Variants in KAT14 observed in about 807,000 individuals in gnomAD.
KAT14 encodes lysine acetyltransferase 14, also known as cysteine-rich protein 2-binding protein.
Under a neutral mutation model 78.4 loss-of-function variants are expected in KAT14, and 66 were observed. The observed-to-expected ratio is 0.84, with a 90% CI of 0.69 to 1.03. The LOEUF (loss-of-function observed/expected upper bound fraction) is 1.03. KAT14 is among the 50% of genes least tolerant of loss of function. The pLI, the probability that KAT14 is intolerant of heterozygous loss-of-function variation, is 0.00. For missense variants in KAT14, 870 were observed against 972.5 expected (o/e 0.89, Z 1.40); for synonymous variants, 344 against 359.4 (o/e 0.96, Z 0.48).
At position 18,159,238 on chromosome 20, in the gene KAT14, T is replaced by A. The variant is rs1183212737; in HGVS notation, c.655T>A (p.Leu219Met). Residue 219 changes from leucine to methionine, a missense_variant, in exon 5 of 11, where the codon TTG (leucine) becomes ATG (methionine). Physicochemically the swap from Leu to Met is conservative, Grantham distance 15. Coordinates refer to ENST00000688188, the MANE Select transcript of KAT14 (RefSeq NM_001392073.1). ...AACGATGAAACCTGAAGGAGAGAAG[T>A]TGTCTGCCTCTACTTTGAAAATAAA... ...PPTMKPEGEK[L>M]SASTLKIKAS... 1.9e-6 allele frequency: 3 copies of A among 1,614,042 alleles called. No individual in the cohort carries two copies. The South Asian group carries it at 3.3e-5, about 18-fold the overall frequency.
intron 7 of KAT14, among the ~76,000 whole-genome samples, chr20:18,164,014 T>C (rs1006490436): frequency 3.3e-5 from 5 of 152,220 alleles, no homozygotes; most frequent in Non-Finnish European, 7.3e-5. Flanking sequence ...ACTCTGCTGT[T>C]GTGATTGGAG....
Position 18,144,988 on chromosome 20 carries a change from C to G in KAT14, c.260-245C>G, listed in dbSNP as rs566567932. The G allele has an allele frequency of 4.4e-4, 403 of 926,166 alleles. 3 individuals carry two copies. Among genetic ancestry groups the G allele is most frequent in the Non-Finnish European group, 4.9e-4 (355 of 717,558 alleles). The allele number at this position is 926,166 out of a possible 1,614,324, so 57.4% of individuals were successfully genotyped here. On this transcript the variant is annotated intron_variant, in intron 2 of 10. Coordinates refer to ENST00000688188, the MANE Select transcript of KAT14 (RefSeq NM_001392073.1). ...ACAATTGGGAAATCCAGCAACAATA[C>G]CTGCTTTTCCAGTACCTTTCTCCTA...
chr20:18,182,561 G>A (rs1404722200), intron 8 of KAT14, among the ~76,000 whole-genome samples: 1 of 152,202 alleles, frequency 6.6e-6, no homozygotes, highest in Non-Finnish European at 1.5e-5. Flanking sequence ...CATTGTCCAG[G>A]CAATGAAATG....
chr20:18,168,092 A>G (rs1462578934), intron 7 of KAT14, among the ~76,000 whole-genome samples: 1 of 152,218 alleles, frequency 6.6e-6, no homozygotes, highest in Non-Finnish European at 1.5e-5. Flanking sequence ...GACTAAGAAT[A>G]TCTTCATTTC....
chr20:18,187,192 A>T (rs763658708), intron 10 of KAT14, 94 bp from the exon 11 acceptor site: 11 of 1,461,968 alleles, frequency 7.5e-6, no homozygotes. Flanking sequence ...CGGTTTCCAT[A>T]ACTAACTGCC....
chr20:18,173,623 T>G (rs1323580424), intron 7 of KAT14, among the ~76,000 whole-genome samples: 2 of 80,896 alleles, frequency 2.5e-5, no homozygotes, highest in Non-Finnish European at 5.4e-5. Flanking sequence ...ACACCATTAC[T>G]TCTTTTTTTT....
chr20:18,139,633 C>CGTGTGTGT (rs71194228), intron 1 of KAT14, among the ~76,000 whole-genome samples: 4,854 of 141,574 alleles, frequency 0.034, 103 homozygotes, highest in Middle Eastern at 0.07. Context: ...ACCAAAATAA[C>CGTGTGTGT]GTGTGTGTGT....
intron 1 of KAT14, chr20:18,138,371 C>T: frequency 9.4e-7 from 1 of 1,066,812 alleles, no homozygotes; most frequent in African/African-American, 1.7e-5. Flanking sequence ...CCCAGTGGCT[C>T]TGTTTTCAAG....
At chr20:18,145,993 CTG>C (rs1201986489) in intron 3 of KAT14, among the ~76,000 whole-genome samples, 1 of 152,238 alleles carries the variant, frequency 6.6e-6, no homozygotes, top group African/African-American at 2.4e-5. Context: ...AGGAAGGTGA[CTG>C]ATTGCAAAAA....
chr20:18,137,776 C>T, upstream of KAT14: 1 of 561,454 alleles, frequency 1.8e-6, no homozygotes, highest in Non-Finnish European at 2.8e-6. Flanking sequence ...AGAGCCTGGG[C>T]GCCGCTCTAT....
intron 7 of KAT14, among the ~76,000 whole-genome samples, chr20:18,170,269 T>G (rs529451421): frequency 1.3e-5 from 2 of 152,322 alleles, no homozygotes; most frequent in African/African-American, 4.8e-5. Flanking sequence ...AGGACTTTCA[T>G]AGTTAGAGAG....
At chr20:18,138,587 C>T (rs2037394219) in intron 1 of KAT14, 2 of 415,842 alleles carry the variant, frequency 4.8e-6, no homozygotes, top group African/African-American at 2.2e-5. Flanking sequence ...TACTCACTCT[C>T]CATGCCTTTG....
At chr20:18,182,029 C>T (rs2039278038) in intron 8 of KAT14, among the ~76,000 whole-genome samples, 183 bp downstream of exon 8, 1 of 152,112 alleles carries the variant, frequency 6.6e-6, no homozygotes, top group African/African-American at 2.4e-5. Context: ...TACTTTTTTG[C>T]AGAGAACATG....
rs1185981513 is a variant in KAT14, at chr20:18,183,234, C to G, written c.1917C>G (p.Tyr639Ter). ...WTPEPDAPLD[Y>*]CYVRPNHIPT... ...CGGAGCCCGACGCACCTCTCGATTA[C>G]TGTTATGTGCGGCCAAATCACATCC... The change falls in exon 9 of 11, where the codon TAC (tyrosine) becomes TAG (stop). Residue 639 changes from tyrosine (Y) to a stop codon, truncating the protein, a stop_gained. Coordinates refer to ENST00000688188, the MANE Select transcript of KAT14 (RefSeq NM_001392073.1). LOFTEE classifies it high-confidence loss of function. 1 of 1,614,068 alleles carries G rather than the reference C, an allele frequency of 6.2e-7. No individual in the cohort carries two copies. Among genetic ancestry groups the G allele is most frequent in the African/African-American group, 1.3e-5 (1 of 74,916 alleles).
At chr20:18,183,068 A>C in intron 8 of KAT14, 55 bp from the exon 9 acceptor site, 1 of 1,558,046 alleles carries the variant, frequency 6.4e-7, no homozygotes, top group Non-Finnish European at 8.7e-7. Context: ...AAAGCTAGGA[A>C]TAATACCAGG....
rs780237676 is a variant in KAT14, at chr20:18,145,392, C to G, written c.378+41C>G. 7.5e-6 allele frequency: 12 copies of G among 1,605,312 alleles called. 1 individual carries two copies. The highest frequency in any genetic ancestry group is 1.0e-5 in the Non-Finnish European group (12 of 1,176,998). On this transcript the variant is annotated intron_variant, in intron 3 of 10. Transcript: ENST00000688188. ...TTCCCCAAATCCATGAGGGTGGTTCCCCCAGGAGTTTGTTGGAACGAATAT... is the reference window on the plus strand; with the variant it reads ...TTCCCCAAATCCATGAGGGTGGTTCGCCCAGGAGTTTGTTGGAACGAATAT...
intron 1 of KAT14, among the ~76,000 whole-genome samples, chr20:18,141,459 T>A (rs2037575136): frequency 6.6e-6 from 1 of 152,232 alleles, no homozygotes; most frequent in South Asian, 2.1e-4. Context: ...CAAGTTGAGA[T>A]TTTAGTAATC....
At chr20:18,152,576 C>G (rs756000667) in intron 4 of KAT14, among the ~76,000 whole-genome samples, 11 of 152,132 alleles carry the variant, frequency 7.2e-5, no homozygotes. Context: ...GACTCCATCT[C>G]AAACAAACAA....
Position 18,187,744 on chromosome 20 carries a change from A to G in KAT14, c.*285A>G. 2.4e-6 allele frequency: 1 copy of G among 414,004 alleles called. No individual in the cohort carries two copies. Among genetic ancestry groups the G allele is most frequent in the Non-Finnish European group, 4.3e-6 (1 of 231,666 alleles). The allele number at this position is 414,004 out of a possible 1,614,324, so 25.6% of individuals were successfully genotyped here. A position where few individuals can be genotyped will look rare whatever the true frequency, so the allele number is the denominator to read the frequency against. ...ATTCTCCCTCCACCTGACAGTTTGT[A>G]AGAGTGAAAGAGCATCTAACCTGAT... On this transcript the variant is annotated 3_prime_UTR_variant, in exon 11 of 11. Coordinates refer to ENST00000688188, the MANE Select transcript of KAT14 (RefSeq NM_001392073.1).
Sources: allele counts gnomAD v4.1 joint callset (sites outside exome capture counted in the v4.1 genomes callset), GRCh38; gene constraint gnomAD v4.1.1; transcripts MANE v1.5; gene names NCBI Gene and HGNC (gene_info 2026-07-23, HGNC 2026-07-21).